The following CEP250 variants were observed in gnomAD, a reference collection of about 807,000 sequenced individuals.
CEP250 encodes centrosomal protein 250.
In CEP250, 242 loss-of-function variants were observed where a neutral mutation model predicts 315.7. The ratio of observed to expected loss-of-function variants is 0.77; its 90% CI spans 0.69 to 0.85. The LOEUF is 0.85. Among genes scored for constraint, CEP250 ranks in the 40% least tolerant of loss-of-function variants. The pLI, the probability that CEP250 is intolerant of heterozygous loss-of-function variation, is 0.00. For missense variants in CEP250, 2,515 were observed against 2,886.4 expected, an observed-to-expected ratio of 0.87 and a Z score of 2.95; for synonymous variants, 1,088 against 1,175.0, an observed-to-expected ratio of 0.93 and a Z score of 1.51.
intron 6 of CEP250, 96 bp downstream of exon 6, chr20:35,465,921 C>A: frequency 6.6e-7 from 1 of 1,520,996 alleles, no homozygotes; most frequent in South Asian, 1.2e-5. Context: ...TGGACTTCAG[C>A]CATAGCCCTC....
rs773322212 is a variant in CEP250, at chr20:35,478,122, C to T, written c.2094+21C>T. 4.0e-6 allele frequency: 6 copies of T among 1,485,576 alleles called. No homozygotes were observed. In the East Asian group the frequency reaches 1.1e-4, roughly 28 times the overall value. 92.0% of individuals were successfully genotyped at this position (1,485,576 alleles called of 1,614,324 possible). On this transcript the variant is annotated intron_variant, in intron 17 of 34. Transcript: ENST00000397527. ...GTGAGGTGAGAAGCCAAAATGGACA[C>T]CATCATGTCTAGGTGTAATATATGC...
intron 7 of CEP250, 75 bp downstream of exon 7, chr20:35,466,279 G>A: frequency 6.8e-7 from 1 of 1,476,482 alleles, no homozygotes; most frequent in Non-Finnish European, 9.1e-7. Context: ...GTACTGGAAG[G>A]AGTTAACTTC....
At chr20:35,485,725 CAT>C (rs941656924) in intron 20 of CEP250, among the ~76,000 whole-genome samples, 5 of 119,548 alleles carry the variant, frequency 4.2e-5, no homozygotes, top group African/African-American at 1.6e-4. Context: ...ATGGTACAAT[CAT>C]GGCTCACTGC....
chr20:35,474,006 G>T lies in CEP250; in HGVS notation c.1525G>T (p.Glu509Ter). ...QGDSAQGQKE[E>*]QQEELHLAVR... The stretch of plus-strand genomic sequence containing the variant: ...GGACTCTGCCCAGGGCCAGAAGGAG[G>T]AACAGCAGGAGGAGCTGCACCTGGC... Residue 509 changes from glutamate to a stop codon, truncating the protein, a stop_gained, in exon 14 of 35, where the codon GAA (glutamate) becomes TAA (stop). Coordinates refer to ENST00000397527, the MANE Select transcript of CEP250 (RefSeq NM_007186.6). LOFTEE classifies it high-confidence loss of function. The T allele has an allele frequency of 6.2e-7, 1 of 1,600,502 alleles. No individual in the cohort carries two copies. Among genetic ancestry groups the T allele is most frequent in the Non-Finnish European group, 8.5e-7 (1 of 1,175,406 alleles).
Position 35,511,883 on chromosome 20 carries a change from G to A in CEP250, c.*257G>A. On this transcript the variant is annotated 3_prime_UTR_variant, in exon 35 of 35. Transcript: ENST00000397527. ...GTGCCTTGCCCTGGCTGAGGGACATGTACTGCCTCTCATCTAGAATTTATT... is the reference window on the plus strand; with the variant it reads ...GTGCCTTGCCCTGGCTGAGGGACATATACTGCCTCTCATCTAGAATTTATT... The A allele has an allele frequency of 7.7e-7, 1 of 1,292,704 alleles. No individual in the cohort carries two copies. The highest frequency in any genetic ancestry group is 9.8e-7 in the Non-Finnish European group (1 of 1,022,020). The allele number at this position is 1,292,704 out of a possible 1,614,324, so 80.1% of individuals were successfully genotyped here. A position where few individuals can be genotyped will look rare whatever the true frequency, so the allele number is the denominator to read the frequency against.
At position 35,501,961 on chromosome 20, in the gene CEP250, G is replaced by T. The variant is rs753136097; in HGVS notation, c.4015G>T (p.Ala1339Ser). ...GAGAGCAGAGCTACAGCGAATGGAA[G>T]CCCAGGTAAAGTGGTACTGGTTTCA... ...LRRAELQRME[A>S]QGERELLQAA... The change falls in exon 29 of 35, where the codon GCC (alanine) becomes TCC (serine). Residue 1339 changes from alanine (A) to serine (S), a missense_variant. Coordinates refer to ENST00000397527, the MANE Select transcript of CEP250 (RefSeq NM_007186.6). 6.2e-7 allele frequency: 1 copy of T among 1,611,962 alleles called. No homozygotes were observed. The highest frequency in any genetic ancestry group is 8.5e-7 in the Non-Finnish European group (1 of 1,179,908).
At position 35,504,233 on chromosome 20, in the gene CEP250, A is replaced by C; in HGVS notation, c.5864A>C (p.Gln1955Pro). The change falls in exon 30 of 35, where the codon CAG (glutamine) becomes CCG (proline). Residue 1955 changes from glutamine to proline, a missense_variant. Physicochemically the swap from Gln to Pro is moderately conservative, Grantham distance 76. Coordinates refer to ENST00000397527, the MANE Select transcript of CEP250 (RefSeq NM_007186.6). ...GCAGAAAGTCAGTCCTCCCGGCATC[A>C]GGAGGAGGCTGCCCGGGCCCGGGCT... ...LRAESQSSRH[Q>P]EEAARARAEA... 6.2e-7 allele frequency: 1 copy of C among 1,607,328 alleles called. No individual in the cohort carries two copies. Among genetic ancestry groups the C allele is most frequent in the Non-Finnish European group, 8.5e-7 (1 of 1,177,208 alleles).
chr20:35,493,517 C>T lies in CEP250; in HGVS notation c.2978C>T (p.Ala993Val), dbSNP rs762648461. Residue 993 changes from alanine to valine, a missense_variant, in exon 23 of 35, where the codon GCC becomes GTC. Physicochemically the swap from Ala to Val is moderately conservative, Grantham distance 64. Transcript: ENST00000397527. ...AARQHRDDLA[A>V]LQEESSSLLQ... ...CGGCAGCACAGAGATGACCTTGCTG[C>T]CCTCCAAGAAGAGAGCAGCTCCCTG... 6.2e-7 allele frequency: 1 copy of T among 1,608,394 alleles called. No homozygotes were observed. Among genetic ancestry groups the T allele is most frequent in the East Asian group, 2.3e-5 (1 of 44,298 alleles).
chr20:35,500,106 GAGAA>G lies in CEP250; in HGVS notation c.3836_3839del (p.Glu1279GlyfsTer32). ...AGAGCGTCTAACTGATACTGAGGCTGAGAAGAGCCAGGTCCACACAGAGTTGCAG... is the reference window on the plus strand; with the variant it reads ...AGAGCGTCTAACTGATACTGAGGCTGGAGCCAGGTCCACACAGAGTTGCAG... On this transcript the variant is annotated frameshift_variant, in exon 28 of 35. Transcript: ENST00000397527. LOFTEE classifies it high-confidence loss of function. The G allele has an allele frequency of 6.2e-7, 1 of 1,613,936 alleles. No homozygotes were observed. The highest frequency in any genetic ancestry group is 2.2e-5 in the East Asian group (1 of 44,858).
intron 4 of CEP250, among the ~76,000 whole-genome samples, chr20:35,462,897 G>A (rs1388553290): frequency 1.3e-5 from 2 of 152,096 alleles, no homozygotes; most frequent in Non-Finnish European, 2.9e-5. Context: ...GAGTATCTGG[G>A]ACCACAGGTG....
intron 20 of CEP250, among the ~76,000 whole-genome samples, chr20:35,483,315 C>T (rs762486137): frequency 4.1e-5 from 6 of 147,562 alleles, no homozygotes; most frequent in East Asian, 2.0e-4. Flanking sequence ...AACGAAACTC[C>T]GTCTCAAAAA....
chr20:35,484,172 C>CT (rs999169003), intron 20 of CEP250, among the ~76,000 whole-genome samples: 5 of 150,784 alleles, frequency 3.3e-5, no homozygotes, highest in Non-Finnish European at 7.4e-5. Flanking sequence ...GGAAATTTTC[C>CT]TTTTTTTTTC....
intron 20 of CEP250, among the ~76,000 whole-genome samples, chr20:35,483,522 T>C (rs1354904725): frequency 6.6e-6 from 1 of 151,048 alleles, no homozygotes; most frequent in Non-Finnish European, 1.5e-5. Flanking sequence ...CCAGCTAATT[T>C]TTTAATTTTA....
chr20:35,457,083 G>GT (rs758531802), intron 1 of CEP250, among the ~76,000 whole-genome samples: 4 of 151,982 alleles, frequency 2.6e-5, no homozygotes, highest in Admixed American at 6.6e-5. Flanking sequence ...CACCCAGCCT[G>GT]TTTTTTTGCT....
rs1215545308 is a variant in CEP250, at chr20:35,511,458, G to A, written c.7161G>A (p.Leu2387=). 3 of 1,614,112 alleles carry A rather than the reference G, an allele frequency of 1.9e-6. No homozygotes were observed. In the South Asian group the frequency reaches 3.3e-5, roughly 18 times the overall value. The change falls in exon 35 of 35, where the codon CTG becomes CTA. Residue 2387 remains leucine, a synonymous_variant. Coordinates refer to ENST00000397527, the MANE Select transcript of CEP250 (RefSeq NM_007186.6). ...SAQTSRELAG[L]HHSLSHSLLA... is the part of the protein sequence containing the mutation. ...AGACCAGCCGTGAGCTAGCAGGCCT[G>A]CACCACAGCCTCTCACACTCACTTC...
At chr20:35,487,233 C>T (rs1236758937) in intron 20 of CEP250, among the ~76,000 whole-genome samples, 1 of 151,904 alleles carries the variant, frequency 6.6e-6, no homozygotes. Context: ...TTTGGGAGGC[C>T]GAGGTGGGCG....
intron 23 of CEP250, among the ~76,000 whole-genome samples, chr20:35,494,074 C>T (rs1311115944): frequency 6.6e-6 from 1 of 152,148 alleles, no homozygotes; most frequent in Non-Finnish European, 1.5e-5. Context: ...TTCCCAAGCT[C>T]AAGCAATTCT....
chr20:35,484,859 T>G (rs7271142), intron 20 of CEP250, among the ~76,000 whole-genome samples: 2,041 of 152,248 alleles, frequency 0.013, 55 homozygotes, highest in African/African-American at 0.047. Flanking sequence ...TGAGCATGAC[T>G]GTGCTCAGAT....
At chr20:35,475,796 C>A in intron 15 of CEP250, 150 bp downstream of exon 15, 1 of 807,554 alleles carries the variant, frequency 1.2e-6, no homozygotes, top group East Asian at 2.6e-5. Context: ...AACATACCCT[C>A]TATATTGGAA....
Sources: allele counts gnomAD v4.1 joint callset (sites outside exome capture counted in the v4.1 genomes callset), GRCh38; gene constraint gnomAD v4.1.1; transcripts MANE v1.5; gene names NCBI Gene and HGNC (gene_info 2026-07-23, HGNC 2026-07-21).